Variants in LRRC37A2 observed in about 807,000 individuals in gnomAD.
LRRC37A2 encodes the protein leucine rich repeat containing 37 member A2.
Under a neutral mutation model 68.8 loss-of-function variants are expected in LRRC37A2, and 9 were observed. The observed-to-expected ratio is 0.13, with a 90% CI of 0.08 to 0.23. LRRC37A2 has a LOEUF of 0.23. Ranked by LOEUF, LRRC37A2 falls within the 10% of genes least tolerant of loss-of-function variation. LRRC37A2 has a pLI of 1.00. For missense variants in LRRC37A2, 168 were observed against 950.4 expected (o/e 0.18, Z 10.82); for synonymous variants, 63 against 367.6 (o/e 0.17, Z 9.48).
chr17:46,764,114 T>A, the LRRC37A2 span: 1 of 152,126 alleles, frequency 6.6e-6, no homozygotes, highest in Non-Finnish European at 1.5e-5. Context: ...AGAAATTAGC[T>A]CAAATTTGAA....
the LRRC37A2 span, among the ~76,000 whole-genome samples, chr17:47,044,045 CAA>C: frequency 4.0e-5 from 2 of 50,052 alleles, no homozygotes; most frequent in Non-Finnish European, 3.8e-5. Flanking sequence ...GACTCCATCT[CAA>C]AAAAAAAAAA....
At chr17:46,792,889 C>T in the LRRC37A2 span, among the ~76,000 whole-genome samples, 4 of 151,718 alleles carry the variant, frequency 2.6e-5, no homozygotes, top group East Asian at 1.9e-4. Flanking sequence ...CCCAATTTAA[C>T]GGATGATGAC....
chr17:46,906,704 C>T, the LRRC37A2 span, among the ~76,000 whole-genome samples: 1 of 152,084 alleles, frequency 6.6e-6, no homozygotes. Flanking sequence ...TCTGATTATG[C>T]CCACTTCATA....
chr17:47,020,212 G>A, the LRRC37A2 span, among the ~76,000 whole-genome samples: 1 of 147,154 alleles, frequency 6.8e-6, no homozygotes, highest in Non-Finnish European at 1.5e-5. Flanking sequence ...GTGACCCAGA[G>A]CAAGTTATTC....
At chr17:47,001,945 G>A in the LRRC37A2 span, among the ~76,000 whole-genome samples, 2 of 151,882 alleles carry the variant, frequency 1.3e-5, no homozygotes, top group African/African-American at 4.8e-5. Flanking sequence ...ACAAATGTTG[G>A]CCAGGCTGGT....
the LRRC37A2 span, chr17:46,929,387 A>G: frequency 1.4e-6 from 1 of 702,162 alleles, no homozygotes; most frequent in Admixed American, 2.0e-5. Flanking sequence ...AAAGTGCCAC[A>G]TACAAATTTT....
chr17:46,726,372 C>A, the LRRC37A2 span, among the ~76,000 whole-genome samples: 1 of 152,194 alleles, frequency 6.6e-6, no homozygotes, highest in African/African-American at 2.4e-5. Flanking sequence ...TGAAAACAGC[C>A]TTAGCCTGCT....
the LRRC37A2 span, among the ~76,000 whole-genome samples, chr17:46,638,384 C>A: frequency 3.2e-5 from 1 of 31,522 alleles, no homozygotes; most frequent in African/African-American, 1.8e-4. Flanking sequence ...TTTATTTATT[C>A]ATTTATTTTT....
the LRRC37A2 span, chr17:47,017,330 G>T: frequency 2.5e-6 from 4 of 1,593,760 alleles, no homozygotes; most frequent in South Asian, 4.4e-5. Context: ...TCAAGGACCC[G>T]CTCCAGCTGA....
At chr17:46,569,453 T>C in the LRRC37A2 span, among the ~76,000 whole-genome samples, 1 of 149,488 alleles carries the variant, frequency 6.7e-6, no homozygotes, top group Non-Finnish European at 1.5e-5. Context: ...CTGTTGAGGC[T>C]TGGTGATGGG....
the LRRC37A2 span, among the ~76,000 whole-genome samples, chr17:46,500,936 T>G: frequency 2.0e-5 from 3 of 151,128 alleles, no homozygotes; most frequent in Non-Finnish European, 4.4e-5. Context: ...TCCCAGCACT[T>G]TGGGAGGCTG....
the LRRC37A2 span, chr17:47,049,069 T>C: frequency 1.5e-6 from 1 of 650,440 alleles, no homozygotes; most frequent in Non-Finnish European, 2.7e-6. Flanking sequence ...TAGGATTGGG[T>C]GTGTGTGTCT....
At chr17:46,825,057 C>T in the LRRC37A2 span, among the ~76,000 whole-genome samples, 2 of 152,246 alleles carry the variant, frequency 1.3e-5, no homozygotes, top group African/African-American at 4.8e-5. Context: ...CAGCCTCCCT[C>T]TGTGCCCCTT....
At chr17:47,036,641 A>G in the LRRC37A2 span, among the ~76,000 whole-genome samples, 1 of 150,762 alleles carries the variant, frequency 6.6e-6, no homozygotes, top group Non-Finnish European at 1.5e-5. Context: ...TCAAAAATCA[A>G]TTTTCCATAA....
chr17:46,858,419 C>A, the LRRC37A2 span, among the ~76,000 whole-genome samples: 1 of 152,200 alleles, frequency 6.6e-6, no homozygotes, highest in Admixed American at 6.5e-5. Context: ...CCCAAGAAAT[C>A]TCTGCCTACC....
At chr17:46,732,372 C>G in the LRRC37A2 span, among the ~76,000 whole-genome samples, 1 of 130,764 alleles carries the variant, frequency 7.6e-6, no homozygotes, top group East Asian at 2.6e-4. Context: ...CCCCTCCCTT[C>G]TTGTAAATTG....
At chr17:46,977,486 G>T in the LRRC37A2 span, among the ~76,000 whole-genome samples, 1 of 152,240 alleles carries the variant, frequency 6.6e-6, no homozygotes, top group Non-Finnish European at 1.5e-5. Flanking sequence ...CTAGGGAGTA[G>T]CCAGTTCTTG....
the LRRC37A2 span, among the ~76,000 whole-genome samples, chr17:46,813,397 ACT>A: frequency 7.0e-6 from 1 of 141,958 alleles, no homozygotes; most frequent in African/African-American, 2.7e-5. Flanking sequence ...CCATCTCCCC[ACT>A]CTCACCATTT....
the LRRC37A2 span, among the ~76,000 whole-genome samples, chr17:47,043,605 CAAG>C: frequency 6.6e-6 from 1 of 151,020 alleles, no homozygotes; most frequent in African/African-American, 2.4e-5. Context: ...TGATGTCATA[CAAG>C]AAGACAAGTG....
Sources: gnomAD v4.1 joint callset for allele counts (sites outside exome capture counted in the v4.1 genomes callset) on GRCh38, gnomAD v4.1.1 for gene constraint, MANE v1.5 for transcripts, NCBI Gene and HGNC (gene_info 2026-07-23, HGNC 2026-07-21) for gene names.